KSR1: variants seen among roughly 807,000 people sequenced by gnomAD.
The protein encoded by KSR1 is kinase suppressor of ras.
In KSR1, 35 loss-of-function variants were observed where a neutral mutation model predicts 92.9. That is an observed-to-expected ratio of 0.38 (90% confidence interval 0.29 to 0.50). The LOEUF (loss-of-function observed/expected upper bound fraction) is 0.50, where lower values mean the gene tolerates loss of function less well. Among genes scored for constraint, KSR1 ranks in the 20% least tolerant of loss-of-function variants. KSR1 has a pLI of 0.94. For synonymous variants in KSR1, 467 were observed against 472.6 expected, an observed-to-expected ratio of 0.99 and a Z score of 0.15; for missense variants, 972 against 1,158.5, an observed-to-expected ratio of 0.84 and a Z score of 2.34.
chr17:27,492,684 C>T (rs1306373746), intron 1 of KSR1, among the ~76,000 whole-genome samples: 1 of 152,166 alleles, frequency 6.6e-6, no homozygotes, highest in East Asian at 1.9e-4. Flanking sequence ...CCCCGGAATT[C>T]GAGGCATCCA....
At position 27,467,574 on chromosome 17, in the gene KSR1, G is replaced by A. The variant is rs73983436; in HGVS notation, c.231+10700G>A. 6.7e-3 allele frequency among the ~76,000 whole-genome samples: 1,018 copies of A among 152,244 alleles called. 11 individuals carry two copies. The highest frequency in any genetic ancestry group is 0.023 in the African/African-American group (948 of 41,524). On this transcript the variant is annotated intron_variant, in intron 1 of 20. Coordinates refer to ENST00000644974, the MANE Select transcript of KSR1 (RefSeq NM_001394583.1). ...AATGGGTCTCTTAGGGTGTGGTTGCGTTTTTGGTCTTTTTTCCTGCAATAG... is the reference window on the plus strand; with the variant it reads ...AATGGGTCTCTTAGGGTGTGGTTGCATTTTTGGTCTTTTTTCCTGCAATAG...
chr17:27,469,511 C>T (rs963419965), intron 1 of KSR1, among the ~76,000 whole-genome samples: 1 of 152,118 alleles, frequency 6.6e-6, no homozygotes, highest in African/African-American at 2.4e-5. Context: ...ATGACATATT[C>T]GTATTCTGAC....
intron 1 of KSR1, among the ~76,000 whole-genome samples, chr17:27,520,834 C>T (rs550274530): frequency 9.8e-5 from 15 of 152,350 alleles, no homozygotes; most frequent in Non-Finnish European, 1.9e-4. Flanking sequence ...GTCCCAGTGG[C>T]CAAAAGGGGC....
chr17:27,544,457 C>G (rs894722419), intron 1 of KSR1, among the ~76,000 whole-genome samples: 9 of 152,242 alleles, frequency 5.9e-5, no homozygotes, highest in African/African-American at 2.2e-4. Context: ...TGAGCTCCTT[C>G]GGCCCCAGAT....
At chr17:27,509,301 G>GT (rs1305204651) in intron 1 of KSR1, among the ~76,000 whole-genome samples, 2 of 148,340 alleles carry the variant, frequency 1.3e-5, no homozygotes, top group African/African-American at 2.5e-5. Flanking sequence ...TTTTTTTTTT[G>GT]TTTTTTTGAG....
intron 1 of KSR1, among the ~76,000 whole-genome samples, chr17:27,546,627 G>A (rs1048938778): frequency 6.6e-6 from 1 of 152,190 alleles, no homozygotes; most frequent in Admixed American, 6.5e-5. Flanking sequence ...TGGAGGAATA[G>A]CTGCTGGGTG....
At chr17:27,604,756 A>G in intron 13 of KSR1, 28 bp downstream of exon 13, 2 of 1,611,934 alleles carry the variant, frequency 1.2e-6, no homozygotes, top group Non-Finnish European at 1.7e-6. Flanking sequence ...GTGTCCACAG[A>G]TGGCCCCCCC....
At chr17:27,548,055 G>A (rs2071247491) in intron 1 of KSR1, among the ~76,000 whole-genome samples, 1 of 151,194 alleles carries the variant, frequency 6.6e-6, no homozygotes, top group Non-Finnish European at 1.5e-5. Flanking sequence ...TGTTTAAATA[G>A]AATTGATTTC....
At chr17:27,477,416 T>C (rs979127766) in intron 1 of KSR1, among the ~76,000 whole-genome samples, 13 of 152,186 alleles carry the variant, frequency 8.5e-5, no homozygotes, top group African/African-American at 2.9e-4. Context: ...TTACCTCCTA[T>C]TATACAGGGA....
intron 1 of KSR1, among the ~76,000 whole-genome samples, chr17:27,468,129 T>G (rs2019793340): frequency 6.6e-6 from 1 of 152,062 alleles, no homozygotes; most frequent in Admixed American, 6.5e-5. Context: ...ATTTTTTTTT[T>G]TTAACTTTAT....
At chr17:27,507,662 C>T (rs2069444691) in intron 1 of KSR1, among the ~76,000 whole-genome samples, 1 of 144,680 alleles carries the variant, frequency 6.9e-6, no homozygotes, top group African/African-American at 2.6e-5. Flanking sequence ...CCGTAACCTC[C>T]ACCTCCCGGG....
intron 1 of KSR1, among the ~76,000 whole-genome samples, chr17:27,549,704 GC>G (rs758363013): frequency 6.6e-6 from 1 of 152,208 alleles, no homozygotes; most frequent in Non-Finnish European, 1.5e-5. Context: ...CAGGACCCTG[GC>G]CAATACTGCT....
At chr17:27,501,554 C>T (rs2069190631) in intron 1 of KSR1, among the ~76,000 whole-genome samples, 1 of 152,164 alleles carries the variant, frequency 6.6e-6, no homozygotes. Flanking sequence ...GCCCAGGACC[C>T]TGCTGCTGTG....
chr17:27,457,018 G>A, intron 1 of KSR1, 144 bp downstream of exon 1: 1 of 644,638 alleles, frequency 1.6e-6, no homozygotes, highest in Admixed American at 2.6e-5. Context: ...TCGCTGATGC[G>A]GCAGCCGGAG....
chr17:27,548,248 TAAAG>T (rs1431392709), intron 1 of KSR1, among the ~76,000 whole-genome samples: 9 of 148,442 alleles, frequency 6.1e-5, no homozygotes, highest in African/African-American at 9.9e-5. Context: ...AAAAAAAAGA[TAAAG>T]ATAAAAAAAG....
At chr17:27,506,964 A>G (rs1316652056) in intron 1 of KSR1, among the ~76,000 whole-genome samples, 1 of 152,208 alleles carries the variant, frequency 6.6e-6, no homozygotes, top group Non-Finnish European at 1.5e-5. Context: ...GAAAAAGGTC[A>G]GCTGCACTGT....
intron 19 of KSR1, among the ~76,000 whole-genome samples, chr17:27,619,532 G>A (rs2074158702): frequency 6.6e-6 from 1 of 151,130 alleles, no homozygotes; most frequent in South Asian, 2.1e-4. Context: ...TGAGTAGCTG[G>A]GACTATAGGC....
At position 27,526,094 on chromosome 17, in the gene KSR1, T is replaced by TTCTTTCTTTCTTTCTTTCTC. The variant is rs55706224; in HGVS notation, c.232-24471_232-24470insTTCTTTCTTTCTTTCTCTCT. Reference sequence around the variant, plus strand: ...TCTCTTTCTTTCTTTCTTTCTTTCTTTCTCTCTCTCTCTCTCTCTCTCTCA... The same window carrying TTCTTTCTTTCTTTCTTTCTC: ...TCTCTTTCTTTCTTTCTTTCTTTCTTTCTTTCTTTCTTTCTTTCTCTCTCTCTCTCTCTCTCTCTCTCTCA... On this transcript the variant is annotated intron_variant, in intron 1 of 20. Coordinates refer to ENST00000644974, the MANE Select transcript of KSR1 (RefSeq NM_001394583.1). Among the ~76,000 whole-genome samples the TTCTTTCTTTCTTTCTTTCTC allele has an allele frequency of 9.1e-4, 108 of 118,438 alleles. 1 individual carries two copies. In the South Asian group the frequency reaches 0.011, roughly 13 times the overall value. The allele number at this position is 118,438 out of a possible 152,430, so 77.7% of individuals were successfully genotyped here.
At chr17:27,501,809 T>G (rs2069200744) in intron 1 of KSR1, among the ~76,000 whole-genome samples, 1 of 152,264 alleles carries the variant, frequency 6.6e-6, no homozygotes, top group African/African-American at 2.4e-5. Flanking sequence ...TGTTATAATT[T>G]TCATCACAAT....
Sources: gnomAD v4.1 joint callset for allele counts (sites outside exome capture counted in the v4.1 genomes callset) on GRCh38, gnomAD v4.1.1 for gene constraint, MANE v1.5 for transcripts, NCBI Gene and HGNC (gene_info 2026-07-23, HGNC 2026-07-21) for gene names.